GBX1: variants seen among roughly 807,000 people sequenced by gnomAD.
GBX1 encodes gastrulation brain homeobox 1, also known as homeobox protein GBX-1.
Under a neutral mutation model 22.9 loss-of-function variants are expected in GBX1, and 9 were observed. The ratio of observed to expected loss-of-function variants is 0.39; its 90% CI spans 0.24 to 0.69. The LOEUF is 0.69. Among genes scored for constraint, GBX1 ranks in the 30% least tolerant of loss-of-function variants. GBX1 has a pLI of 0.43. For missense variants in GBX1, 494 were observed against 509.2 expected (o/e 0.97, Z 0.29); for synonymous variants, 203 against 227.3 (o/e 0.89, Z 0.96).
chr7:151,165,096 T>C (rs906474944), intron 1 of GBX1, among the ~76,000 whole-genome samples: 2 of 152,144 alleles, frequency 1.3e-5, no homozygotes, highest in Admixed American at 1.3e-4. Context: ...GAGAACCCTC[T>C]CCTTCTTCAT....
In GBX1 at chr7:151,167,238, G is replaced by T; in HGVS notation, c.311C>A (p.Ala104Glu). 6.4e-7 allele frequency: 1 copy of T among 1,551,806 alleles called. No homozygotes were observed. The highest frequency in any genetic ancestry group is 8.7e-7 in the Non-Finnish European group (1 of 1,150,886). The change falls in exon 1 of 2, where the codon GCG becomes GAG. Residue 104 changes from alanine to glutamate, a missense_variant. This residue lies in a region of GBX1 where 365 missense variants were observed against 340.4 expected (regional missense o/e 1.07). Coordinates refer to ENST00000297537, the MANE Select transcript of GBX1 (RefSeq NM_001098834.3). This position sits in a 1 kb window ranked among gnomAD's most constrained non-coding sequence, Gnocchi z 5.9. ...AVPSMVALTTALPSFAEPPDA... is the reference protein window; with the variant it reads ...AVPSMVALTTELPSFAEPPDA... ...GGGCGGCTCCGCGAAGCTGGGCAGCGCGGTGGTCAGCGCCACCATCGAGGG... is the reference window on the plus strand; with the variant it reads ...GGGCGGCTCCGCGAAGCTGGGCAGCTCGGTGGTCAGCGCCACCATCGAGGG...
Position 151,149,103 on chromosome 7 carries a change from T to A in GBX1, c.578A>T (p.Glu193Val). ...KVYSSDEEKL[E>V]ASAGDPAGSE... ...GCCTGCTGGGTCTCCTGCTGATGCC[T>A]CCAGCTTCTCCTCATCTGAGCTGTA... Residue 193 changes from glutamate (E) to valine (V), a missense_variant, in exon 2 of 2, where the codon GAG (glutamate) becomes GTG (valine). Physicochemically the swap from Glu to Val is moderately radical, Grantham distance 121. Coordinates refer to ENST00000297537, the MANE Select transcript of GBX1 (RefSeq NM_001098834.3). The A allele has an allele frequency of 6.2e-7, 1 of 1,611,010 alleles. No individual in the cohort carries two copies. Among genetic ancestry groups the A allele is most frequent in the Non-Finnish European group, 8.5e-7 (1 of 1,180,012 alleles).
At chr7:151,149,956 C>T (rs1398608035) in intron 1 of GBX1, 3 of 455,904 alleles carry the variant, frequency 6.6e-6, no homozygotes, top group East Asian at 6.9e-5. Context: ...CTGAGCAGCA[C>T]AAACAGCTGT....
intron 1 of GBX1, among the ~76,000 whole-genome samples, chr7:151,166,236 T>A (rs920088107): frequency 6.6e-6 from 1 of 152,112 alleles, no homozygotes; most frequent in Non-Finnish European, 1.5e-5. Context: ...GCACCATTCA[T>A]GGAGGGTCCA....
rs979275466 is a variant in GBX1 at position 151,148,479 on chromosome 7, C to A, written c.*110G>T. Reference sequence around the variant, plus strand: ...GGGCTAGGTTAATTGCCAACTAGCCCCTCTCAAGGCAGAATCACAGTTGCA... The same window carrying A: ...GGGCTAGGTTAATTGCCAACTAGCCACTCTCAAGGCAGAATCACAGTTGCA... On this transcript the variant is annotated 3_prime_UTR_variant, in exon 2 of 2. Coordinates refer to ENST00000297537, the MANE Select transcript of GBX1 (RefSeq NM_001098834.3). The surrounding 1 kb of genome is among the most constrained non-coding windows in gnomAD (Gnocchi z 5.1). 1 of 1,056,194 alleles carries A rather than the reference C, an allele frequency of 9.5e-7. No homozygotes were observed. Among genetic ancestry groups the A allele is most frequent in the Non-Finnish European group, 1.4e-6 (1 of 734,208 alleles). The allele number at this position is 1,056,194 out of a possible 1,614,324, so 65.4% of individuals were successfully genotyped here.
chr7:151,155,365 C>T (rs1386775762), intron 1 of GBX1, among the ~76,000 whole-genome samples: 3 of 152,208 alleles, frequency 2.0e-5, no homozygotes, highest in African/African-American at 7.2e-5. Flanking sequence ...CTCATTTCAT[C>T]ATGCCCAATA....
intron 1 of GBX1, among the ~76,000 whole-genome samples, chr7:151,163,984 T>C (rs915354401): frequency 3.9e-5 from 6 of 152,180 alleles, no homozygotes; most frequent in African/African-American, 1.4e-4. Flanking sequence ...ATAACAAAGT[T>C]CCTTTTATCC....
rs1563557226 is a variant in GBX1 at position 151,167,439 on chromosome 7, C to G, written c.110G>C (p.Arg37Pro). ...GCCGGTGTACAGCAAGTGGCCGGAG[C>G]GCGGCGGCGGCGGCCCGATTAGGGA... ...IDSLIGPPPPRSGHLLYTGYP... is the reference protein window; with the variant it reads ...IDSLIGPPPPPSGHLLYTGYP... Residue 37 changes from arginine to proline, a missense_variant, in exon 1 of 2, where the codon CGC (arginine) becomes CCC (proline). Physicochemically the swap from Arg to Pro is moderately radical, Grantham distance 103. Coordinates refer to ENST00000297537, the MANE Select transcript of GBX1 (RefSeq NM_001098834.3). This position sits in a 1 kb window ranked among gnomAD's most constrained non-coding sequence, Gnocchi z 5.9. 4.0e-6 allele frequency: 6 copies of G among 1,509,272 alleles called. No individual in the cohort carries two copies. The highest frequency in any genetic ancestry group is 2.1e-5 in the Admixed American group (1 of 47,302). The allele number at this position is 1,509,272 out of a possible 1,614,324, so 93.5% of individuals were successfully genotyped here.
At position 151,167,539 on chromosome 7, in the gene GBX1, C is replaced by T; in HGVS notation, c.10G>A (p.Ala4Thr). Residue 4 changes from alanine to threonine, a missense_variant, in exon 1 of 2, where the codon GCC (alanine) becomes ACC (threonine). Physicochemically the swap from Ala to Thr is moderately conservative, Grantham distance 58 (BLOSUM62 0). Coordinates refer to ENST00000297537, the MANE Select transcript of GBX1 (RefSeq NM_001098834.3). The surrounding 1 kb of genome is among the most constrained non-coding windows in gnomAD (Gnocchi z 5.9). The part of the protein sequence containing the change: MQR[A>T]GGGSAPGGNG... Reference sequence around the variant, plus strand: ...CCCCCAGGGGCGCTACCGCCTCCGGCCCGCTGCATCTTGTTCGGAGCTGCG... The same window carrying T: ...CCCCCAGGGGCGCTACCGCCTCCGGTCCGCTGCATCTTGTTCGGAGCTGCG... The T allele has an allele frequency of 6.9e-7, 1 of 1,458,332 alleles. No homozygotes were observed. Among genetic ancestry groups the T allele is most frequent in the Non-Finnish European group, 9.0e-7 (1 of 1,117,150 alleles). The allele number at this position is 1,458,332 out of a possible 1,614,324, so 90.3% of individuals were successfully genotyped here. A position where few individuals can be genotyped will look rare whatever the true frequency, so the allele number is the denominator to read the frequency against.
chr7:151,149,734 C>T, intron 1 of GBX1: 1 of 345,074 alleles, frequency 2.9e-6, no homozygotes, highest in Non-Finnish European at 5.7e-6. Context: ...AGAGCTGTCT[C>T]ATGGCCTCTG....
Position 151,148,911 on chromosome 7 carries a change from G to A in GBX1, c.770C>T (p.Pro257Leu), listed in dbSNP as rs1688605164. The A allele has an allele frequency of 1.2e-6, 2 of 1,614,018 alleles. No homozygotes were observed. The highest frequency in any genetic ancestry group is 2.2e-5 in the South Asian group (2 of 91,082). ...GCGGCGCCGTCGGCTTTTCCCCCCA[G>A]GAGCTGTGACCCCTGCTGTCACCGG... ...GAPVTAGVTA[P>L]GGKSRRRRTA... The change falls in exon 2 of 2, where the codon CCT (proline) becomes CTT (leucine). Residue 257 changes from proline (P) to leucine (L), a missense_variant. Physicochemically the swap from Pro to Leu is moderately conservative, Grantham distance 98. Transcript: ENST00000297537. The surrounding 1 kb of genome is among the most constrained non-coding windows in gnomAD (Gnocchi z 5.1).
In GBX1 at chr7:151,167,000, C is replaced by T. The variant is rs1801261121; in HGVS notation, c.538+11G>A. 1 of 1,605,604 alleles carries T rather than the reference C, an allele frequency of 6.2e-7. No homozygotes were observed. The highest frequency in any genetic ancestry group is 8.5e-7 in the Non-Finnish European group (1 of 1,177,264). On this transcript the variant is annotated intron_variant, in intron 1 of 1. Transcript: ENST00000297537. ...GGCCTCCCGCCAGCCCTGGTCGGCC[C>T]TAGCACTTACCGGGCAGACTTGGAA...
chr7:151,152,925 G>A (rs1260440548), intron 1 of GBX1, among the ~76,000 whole-genome samples: 1 of 152,146 alleles, frequency 6.6e-6, no homozygotes, highest in African/African-American at 2.4e-5. Flanking sequence ...ACTCTGATAA[G>A]CAACTCTTGA....
At chr7:151,166,688 G>GA (rs1219971302) in intron 1 of GBX1, among the ~76,000 whole-genome samples, 4 of 152,010 alleles carry the variant, frequency 2.6e-5, no homozygotes, top group Admixed American at 2.6e-4. Flanking sequence ...GACAGAGGAG[G>GA]AAAAAAATGA....
intron 1 of GBX1, chr7:151,150,083 GAAGGA>G (rs1801060818): frequency 2.8e-6 from 1 of 363,214 alleles, no homozygotes; most frequent in East Asian, 8.8e-5. Flanking sequence ...CAAATGAAGA[GAAGGA>G]AAGGGTAAAA....
At chr7:151,154,395 T>A (rs999877834) in intron 1 of GBX1, among the ~76,000 whole-genome samples, 5 of 152,218 alleles carry the variant, frequency 3.3e-5, no homozygotes, top group South Asian at 2.1e-4. Flanking sequence ...ATGAAAATTT[T>A]AAAAATCTAA....
intron 1 of GBX1, among the ~76,000 whole-genome samples, chr7:151,157,833 G>C (rs1306909427): frequency 3.9e-5 from 6 of 152,208 alleles, no homozygotes; most frequent in Non-Finnish European, 8.8e-5. Context: ...CATGATTCAA[G>C]CTAGCGAATT....
In GBX1 at chr7:151,167,347, C is replaced by T. The variant is rs887502195; in HGVS notation, c.202G>A (p.Ala68Thr). The change falls in exon 1 of 2, where the codon GCT (alanine) becomes ACT (threonine). Residue 68 changes from alanine to threonine, a missense_variant. Ala to Thr is a moderately conservative substitution (Grantham distance 58). Coordinates refer to ENST00000297537, the MANE Select transcript of GBX1 (RefSeq NM_001098834.3). This position sits in a 1 kb window ranked among gnomAD's most constrained non-coding sequence, Gnocchi z 5.9. ...AGCGGGGCGAGGGGCGGGAGGCCAG[C>T]GGGCAGCGGCGCAGGGGCCAGCGCC... The part of the protein sequence containing the change: ...PQALAPAPLP[A>T]GLPPLAPLAS... 5 of 1,505,722 alleles carry T rather than the reference C, an allele frequency of 3.3e-6. No individual in the cohort carries two copies. The highest frequency in any genetic ancestry group is 2.9e-5 in the African/African-American group (2 of 68,400). The allele number at this position is 1,505,722 out of a possible 1,614,324, so 93.3% of individuals were successfully genotyped here.
In GBX1 at chr7:151,167,599, T is replaced by G. The variant is rs1226972671; in HGVS notation, c.-51A>C. On this transcript the variant is annotated 5_prime_UTR_variant, in exon 1 of 2. Coordinates refer to ENST00000297537, the MANE Select transcript of GBX1 (RefSeq NM_001098834.3). This position sits in a 1 kb window ranked among gnomAD's most constrained non-coding sequence, Gnocchi z 5.9. ...GGGCGCTCCTCTCTGGGCGCCTCCG[T>G]GCGCCCCGCGGCTCGGGCGCCCCGC... is the stretch of plus-strand genomic sequence containing the variant. 1 of 1,268,002 alleles carries G rather than the reference T, an allele frequency of 7.9e-7. No homozygotes were observed. Among genetic ancestry groups the G allele is most frequent in the Non-Finnish European group, 9.9e-7 (1 of 1,013,582 alleles). The allele number at this position is 1,268,002 out of a possible 1,614,324, so 78.5% of individuals were successfully genotyped here.
Sources: gnomAD v4.1 joint callset for allele counts (sites outside exome capture counted in the v4.1 genomes callset) on GRCh38, gnomAD v4.1.1 for gene constraint, gnomAD v4.1.1 regional missense constraint, Gnocchi (gnomAD v3.1) non-coding constraint, MANE v1.5 for transcripts, NCBI Gene and HGNC (gene_info 2026-07-23, HGNC 2026-07-21) for gene names.